AMMECR1: variants seen among roughly 807,000 people sequenced by gnomAD.
AMMECR1 encodes the protein nuclear protein AMMECR1.
AMMECR1 carries 3 observed loss-of-function variants against 22.5 expected under a neutral mutation model. The observed-to-expected ratio is 0.13, with a 90% CI of 0.06 to 0.35. AMMECR1 has a LOEUF of 0.35. Among genes scored for constraint, AMMECR1 ranks in the 10% least tolerant of loss-of-function variants. The probability of loss-of-function intolerance (pLI) is 1.00; values close to 1 mark genes in which losing one functional copy is unlikely to be tolerated. For missense variants in AMMECR1, 235 were observed against 278.7 expected, an observed-to-expected ratio of 0.84 and a Z score of 1.12; for synonymous variants, 130 against 116.7, an observed-to-expected ratio of 1.11 and a Z score of -0.74.
intron 2 of AMMECR1, among the ~76,000 whole-genome samples, chrX:110,374,194 C>G (rs2068359490): frequency 8.9e-6 from 1 of 111,968 alleles, no homozygotes; most frequent in Admixed American, 9.4e-5. Context: ...AATTGATACC[C>G]TGTAGATGCA....
chrX:110,208,656 C>T (rs1442270665), intron 3 of AMMECR1, among the ~76,000 whole-genome samples: 1 of 112,069 alleles, frequency 8.9e-6, no homozygotes, highest in Non-Finnish European at 1.9e-5. Flanking sequence ...TACCTGATCT[C>T]TCTAATAGTC....
At chrX:110,316,983 A>G (rs1396375066) in intron 1 of AMMECR1, among the ~76,000 whole-genome samples, 1 of 111,477 alleles carries the variant, frequency 9.0e-6, no homozygotes, top group East Asian at 2.8e-4. Context: ...ACACATTTTA[A>G]TGGGTGTATT....
intron 1 of AMMECR1, among the ~76,000 whole-genome samples, chrX:110,286,607 G>GGCTGCAGTGAGCTGTGATTGTGCC: frequency 9.4e-6 from 1 of 106,702 alleles, no homozygotes; most frequent in Non-Finnish European, 1.9e-5. Flanking sequence ...GGGAGGTTGA[G>GGCTGCAGTGAGCTGTGATTGTGCC]GCTGCAGTGA....
intron 2 of AMMECR1, among the ~76,000 whole-genome samples, chrX:110,242,871 T>C (rs7065764): frequency 0.039 from 4,346 of 112,275 alleles, 217 homozygotes; most frequent in African/African-American, 0.13. Flanking sequence ...TAAAACAATT[T>C]GGACACTTGT....
At chrX:110,367,911 G>A (rs1386990038) in intron 2 of AMMECR1, among the ~76,000 whole-genome samples, 1 of 108,756 alleles carries the variant, frequency 9.2e-6, no homozygotes, top group Non-Finnish European at 1.9e-5. Flanking sequence ...TGGGCTCAAG[G>A]GATCCTCCCA....
intron 2 of AMMECR1, among the ~76,000 whole-genome samples, chrX:110,356,145 A>G (rs1048348973): frequency 3.8e-5 from 4 of 104,750 alleles, no homozygotes; most frequent in Non-Finnish European, 7.7e-5. Context: ...GACTGGAGGC[A>G]TAACCTTTTT....
intron 2 of AMMECR1, among the ~76,000 whole-genome samples, chrX:110,339,721 C>T (rs1391139530): frequency 1.8e-5 from 2 of 110,544 alleles, no homozygotes; most frequent in African/African-American, 3.3e-5. Flanking sequence ...GTCTCGAACT[C>T]CCCACCTCAG....
chrX:110,423,564 C>T (rs559706973), intron 2 of AMMECR1, among the ~76,000 whole-genome samples: 2 of 111,873 alleles, frequency 1.8e-5, no homozygotes, highest in Admixed American at 1.9e-4. Flanking sequence ...ACCACTTTAA[C>T]TCAGTTTTTC....
chrX:110,252,897 C>A (rs751019391), intron 2 of AMMECR1, among the ~76,000 whole-genome samples: 1 of 111,934 alleles, frequency 8.9e-6, no homozygotes, highest in Non-Finnish European at 1.9e-5. Context: ...GCAGGGTAAA[C>A]GGGCAGGGAG....
intron 1 of AMMECR1, among the ~76,000 whole-genome samples, chrX:110,312,536 A>T (rs1190720513): frequency 9.0e-6 from 1 of 111,443 alleles, no homozygotes; most frequent in Non-Finnish European, 1.9e-5. Context: ...CTAAATTATC[A>T]CTCCCTTTGG....
intron 2 of AMMECR1, among the ~76,000 whole-genome samples, chrX:110,366,878 T>C (rs1369375518): frequency 2.7e-5 from 3 of 112,282 alleles, no homozygotes; most frequent in Non-Finnish European, 5.6e-5. Context: ...CCATTCATTC[T>C]TGAATGCTCC....
chrX:110,398,139 G>C (rs1398462848), intron 2 of AMMECR1, among the ~76,000 whole-genome samples: 1 of 111,996 alleles, frequency 8.9e-6, no homozygotes, highest in African/African-American at 3.2e-5. Context: ...TGCATTCATT[G>C]GCTCCCAGGA....
chrX:110,317,518 G>A, intron 1 of AMMECR1, 81 bp downstream of exon 1: 1 of 1,084,892 alleles, frequency 9.2e-7, no homozygotes, highest in Non-Finnish European at 1.2e-6. Flanking sequence ...CCGCCGGCCG[G>A]GAGGCGGACT....
At chrX:110,206,132 G>A (rs1011958150) in intron 3 of AMMECR1, among the ~76,000 whole-genome samples, 1 of 111,846 alleles carries the variant, frequency 8.9e-6, no homozygotes, top group Non-Finnish European at 1.9e-5. Context: ...ATCCTCTTTC[G>A]TCTCTTGTCC....
intron 1 of AMMECR1, among the ~76,000 whole-genome samples, chrX:110,427,809 C>A (rs2148328073): frequency 8.9e-6 from 1 of 112,066 alleles, no homozygotes; most frequent in South Asian, 3.8e-4. Flanking sequence ...CACAGGGAGT[C>A]ATTTGCAATT....
At chrX:110,220,966 G>A (rs2067497196) in intron 2 of AMMECR1, among the ~76,000 whole-genome samples, 1 of 112,527 alleles carries the variant, frequency 8.9e-6, no homozygotes, top group African/African-American at 3.2e-5. Context: ...AAACGATAGA[G>A]CATGTAACAG....
Position 110,410,129 on chromosome X carries a change from G to A in AMMECR1, c.-148+16529C>T, listed in dbSNP as rs150025055. Among the ~76,000 whole-genome samples the A allele has an allele frequency of 1.3e-3, 150 of 111,665 alleles. 1 individual carries two copies. Among genetic ancestry groups the A allele is most frequent in the African/African-American group, 4.7e-3 (145 of 30,739 alleles). ...TTTATGGGTAGCCAGCTGAGTCACCGACAGGGATGATGACTCGCCTCGGGT... is the reference window on the plus strand; with the variant it reads ...TTTATGGGTAGCCAGCTGAGTCACCAACAGGGATGATGACTCGCCTCGGGT... On this transcript the variant is annotated intron_variant, in intron 2 of 7. Transcript: ENST00000372057.
intron 2 of AMMECR1, among the ~76,000 whole-genome samples, chrX:110,230,465 C>A (rs1414048234): frequency 8.9e-6 from 1 of 112,233 alleles, no homozygotes; most frequent in Non-Finnish European, 1.9e-5. Flanking sequence ...AACTAACAAA[C>A]AGAAAGGAAT....
At chrX:110,207,543 CA>C (rs766029765) in intron 3 of AMMECR1, among the ~76,000 whole-genome samples, 304 of 105,115 alleles carry the variant, frequency 2.9e-3, no homozygotes, top group Non-Finnish European at 2.2e-3. Flanking sequence ...CTGATACTAC[CA>C]AAAAAAAAAA....
Sources: allele counts gnomAD v4.1 joint callset (sites outside exome capture counted in the v4.1 genomes callset), GRCh38; gene constraint gnomAD v4.1.1; transcripts MANE v1.5; gene names NCBI Gene and HGNC (gene_info 2026-07-23, HGNC 2026-07-21).